ANGPTL2: variants seen among roughly 807,000 people sequenced by gnomAD.
ANGPTL2 encodes angiopoietin like 2.
ANGPTL2 carries 25 observed loss-of-function variants against 52.8 expected under a neutral mutation model. The ratio of observed to expected loss-of-function variants is 0.47; its 90% CI spans 0.35 to 0.66. ANGPTL2 has a LOEUF of 0.66. ANGPTL2 is among the 30% of genes least tolerant of loss of function. ANGPTL2 has a pLI of 0.01. For synonymous variants in ANGPTL2, 276 were observed against 277.4 expected (o/e 1.00, Z 0.05); for missense variants, 546 against 656.9 (o/e 0.83, Z 1.84).
intron 1 of ANGPTL2, among the ~76,000 whole-genome samples, chr9:127,110,559 C>T (rs1172971962): frequency 6.6e-6 from 1 of 152,212 alleles, no homozygotes; most frequent in African/African-American, 2.4e-5. Flanking sequence ...ACTCTAGACT[C>T]ATACATACAG....
At chr9:127,090,856 G>A (rs1009183554) in intron 4 of ANGPTL2, among the ~76,000 whole-genome samples, 4 of 152,170 alleles carry the variant, frequency 2.6e-5, no homozygotes, top group Middle Eastern at 3.2e-3. Context: ...CCCTGGGGAG[G>A]CATTAACTGT....
intron 2 of ANGPTL2, among the ~76,000 whole-genome samples, chr9:127,105,793 C>T (rs1047828991): frequency 1.3e-5 from 2 of 152,214 alleles, no homozygotes; most frequent in Non-Finnish European, 2.9e-5. Flanking sequence ...ATGCACCTGC[C>T]GTCTACCCCA....
At chr9:127,116,416 A>G (rs2055427627) in intron 1 of ANGPTL2, among the ~76,000 whole-genome samples, 1 of 152,182 alleles carries the variant, frequency 6.6e-6, no homozygotes, top group Non-Finnish European at 1.5e-5. Flanking sequence ...TTTGGGAACC[A>G]TTTTGAGATT....
chr9:127,115,431 T>G (rs1338835131), intron 1 of ANGPTL2, among the ~76,000 whole-genome samples: 2 of 152,134 alleles, frequency 1.3e-5, no homozygotes. Flanking sequence ...AGCACCCCCT[T>G]TTCACTCTCA....
At chr9:127,093,979 A>G in intron 2 of ANGPTL2, 53 bp from the exon 3 acceptor site, 1 of 1,573,340 alleles carries the variant, frequency 6.4e-7, no homozygotes, top group South Asian at 1.1e-5. Flanking sequence ...ACCAGGCCGC[A>G]CCCCCAGCTG....
chr9:127,121,949 G>A (rs1009894586), intron 1 of ANGPTL2, among the ~76,000 whole-genome samples: 27 of 152,206 alleles, frequency 1.8e-4, no homozygotes, highest in African/African-American at 6.3e-4. Context: ...CCTGCCTTCT[G>A]CAGCTCTTCA....
At chr9:127,102,313 C>G (rs1277459901) in intron 2 of ANGPTL2, among the ~76,000 whole-genome samples, 1 of 139,722 alleles carries the variant, frequency 7.2e-6, no homozygotes, top group Admixed American at 7.7e-5. Context: ...TTGTATGAGG[C>G]TAACTTAATA....
intron 2 of ANGPTL2, chr9:127,107,154 A>C (rs2054296532): frequency 6.6e-6 from 1 of 152,226 alleles, no homozygotes; most frequent in South Asian, 2.1e-4. Flanking sequence ...AAAGACCTGA[A>C]TGCAAATCTA....
At chr9:127,103,209 C>A (rs905505261) in intron 2 of ANGPTL2, among the ~76,000 whole-genome samples, 1 of 152,240 alleles carries the variant, frequency 6.6e-6, no homozygotes. Context: ...CAATCGTGTA[C>A]GTATTTCCTA....
rs1211990201 is a variant in ANGPTL2, at chr9:127,108,015, G to A, written c.717C>T (p.Thr239=). 1 of 1,605,846 alleles carries A rather than the reference G, an allele frequency of 6.2e-7. No homozygotes were observed. Among genetic ancestry groups the A allele is most frequent in the Non-Finnish European group, 8.5e-7 (1 of 1,174,680 alleles). ...GGTTCTGGTCACTCTGGATCTCGTTGGTAGAGATCTGGTTGATGATGCGGT... is the reference window on the plus strand; with the variant it reads ...GGTTCTGGTCACTCTGGATCTCGTTAGTAGAGATCTGGTTGATGATGCGGT... ...TYNRIINQIS[T]NEIQSDQNLK... The change falls in exon 2 of 5, where the codon ACC becomes ACT. Residue 239 remains threonine, a synonymous_variant. Transcript: ENST00000373425.
intron 1 of ANGPTL2, among the ~76,000 whole-genome samples, chr9:127,116,895 G>A (rs2055486957): frequency 1.3e-5 from 2 of 152,204 alleles, no homozygotes; most frequent in African/African-American, 4.8e-5. Context: ...AAGTGGTGGA[G>A]CTGGGCCCAG....
intron 1 of ANGPTL2, among the ~76,000 whole-genome samples, chr9:127,113,612 C>T (rs2055088285): frequency 1.3e-5 from 2 of 150,896 alleles, no homozygotes; most frequent in Non-Finnish European, 1.5e-5. Context: ...AAAGCAAATC[C>T]AACTGTTTTC....
At chr9:127,092,940 C>T (rs1241213713) in intron 3 of ANGPTL2, among the ~76,000 whole-genome samples, 2 of 152,134 alleles carry the variant, frequency 1.3e-5, no homozygotes, top group African/African-American at 4.8e-5. Context: ...GTGTCAGAGG[C>T]CTCAGCTGCA....
intron 2 of ANGPTL2, among the ~76,000 whole-genome samples, chr9:127,094,916 C>T (rs962942187): frequency 6.6e-6 from 1 of 152,170 alleles, no homozygotes; most frequent in Non-Finnish European, 1.5e-5. Flanking sequence ...CTCTGCCCTC[C>T]CCAGGCAGTT....
intron 1 of ANGPTL2, among the ~76,000 whole-genome samples, chr9:127,120,536 G>T (rs2055939359): frequency 6.6e-6 from 1 of 152,190 alleles, no homozygotes; most frequent in Non-Finnish European, 1.5e-5. Context: ...AAGAATTTGG[G>T]TCTCTGGCCG....
chr9:127,109,159 T>C (rs552037012), intron 1 of ANGPTL2, among the ~76,000 whole-genome samples: 118 of 152,322 alleles, frequency 7.7e-4, no homozygotes, highest in African/African-American at 2.7e-3. Context: ...TTCTGGTCTC[T>C]CTCTTCTGCT....
chr9:127,119,107 A>G (rs934510638), intron 1 of ANGPTL2, among the ~76,000 whole-genome samples: 3 of 152,202 alleles, frequency 2.0e-5, no homozygotes, highest in Non-Finnish European at 4.4e-5. Flanking sequence ...GTGAGACAGT[A>G]TCGCAGAGCA....
At position 127,107,959 on chromosome 9, in the gene ANGPTL2, A is replaced by G. The variant is rs1345495405; in HGVS notation, c.773T>C (p.Met258Thr). ...LKVLPPPLPT[M>T]PTLTSLPSST... ...AGATGGGAGGCTGGTGAGAGTGGGC[A>G]TAGTGGGCAGAGGGGGTGGCAGCAC... Residue 258 changes from methionine to threonine, a missense_variant, in exon 2 of 5, where the codon ATG becomes ACG. Coordinates refer to ENST00000373425, the MANE Select transcript of ANGPTL2 (RefSeq NM_012098.3). The G allele has an allele frequency of 6.4e-7, 1 of 1,560,452 alleles. No homozygotes were observed. Among genetic ancestry groups the G allele is most frequent in the Admixed American group, 1.8e-5 (1 of 56,784 alleles).
At chr9:127,093,466 T>G (rs1472254699) in intron 3 of ANGPTL2, among the ~76,000 whole-genome samples, 2 of 152,200 alleles carry the variant, frequency 1.3e-5, no homozygotes, top group Non-Finnish European at 2.9e-5. Context: ...CCTGTGGGGC[T>G]GTGGTGGTCT....
Sources: allele counts gnomAD v4.1 joint callset (sites outside exome capture counted in the v4.1 genomes callset), GRCh38; gene constraint gnomAD v4.1.1; transcripts MANE v1.5; gene names NCBI Gene and HGNC (gene_info 2026-07-23, HGNC 2026-07-21).